Variants in SAE1 observed in about 807,000 individuals in gnomAD.
SAE1 encodes the protein SUMO1 activating enzyme subunit 1.
In SAE1, 11 loss-of-function variants were observed where a neutral mutation model predicts 40.6. The ratio of observed to expected loss-of-function variants is 0.27; its 90% confidence interval spans 0.17 to 0.45. The LOEUF is 0.45. Among genes scored for constraint, SAE1 ranks in the 20% least tolerant of loss-of-function variants. The pLI, the probability that SAE1 is intolerant of heterozygous loss-of-function variation, is 1.00. For missense variants in SAE1, 373 were observed against 427.3 expected, an observed-to-expected ratio of 0.87 and a Z score of 1.12; for synonymous variants, 155 against 154.3, an observed-to-expected ratio of 1.00 and a Z score of -0.03.
At chr19:47,194,590 G>C (rs2058601210) in intron 6 of SAE1, among the ~76,000 whole-genome samples, 1 of 152,130 alleles carries the variant, frequency 6.6e-6, no homozygotes, top group South Asian at 2.1e-4. Context: ...TGTGTGATGT[G>C]GGAGAAAGAG....
At chr19:47,205,912 C>T (rs140036621) in intron 8 of SAE1, among the ~76,000 whole-genome samples, 1,713 of 152,318 alleles carry the variant, frequency 0.011, 22 homozygotes, top group Middle Eastern at 0.024. Context: ...CTCTTCACCA[C>T]GGGGCAGTCA....
chr19:47,138,641 G>A (rs1017534942), intron 1 of SAE1, among the ~76,000 whole-genome samples: 1 of 152,128 alleles, frequency 6.6e-6, no homozygotes, highest in African/African-American at 2.4e-5. Context: ...GTGATACAGT[G>A]GTTTCTGGAG....
At chr19:47,152,802 G>C in intron 3 of SAE1, 96 bp from the exon 4 acceptor site, 1 of 1,225,728 alleles carries the variant, frequency 8.2e-7, no homozygotes. Flanking sequence ...CTTTGAGCAT[G>C]CCCAGAGAGA....
At chr19:47,169,586 A>G (rs2058417902) in intron 5 of SAE1, among the ~76,000 whole-genome samples, 1 of 152,174 alleles carries the variant, frequency 6.6e-6, no homozygotes, top group South Asian at 2.1e-4. Flanking sequence ...GGTCTTTGGA[A>G]GCTTGGCTCT....
chr19:47,180,508 G>C (rs937693000), intron 6 of SAE1, among the ~76,000 whole-genome samples: 1 of 152,158 alleles, frequency 6.6e-6, no homozygotes. Context: ...AACAGTTTGC[G>C]GTGAAACAGT....
intron 1 of SAE1, among the ~76,000 whole-genome samples, chr19:47,138,150 TCTC>T (rs1244116046): frequency 1.3e-5 from 2 of 152,180 alleles, no homozygotes; most frequent in Non-Finnish European, 1.5e-5. Context: ...TTCAGGCAAT[TCTC>T]CTGCCTCAGC....
intron 5 of SAE1, among the ~76,000 whole-genome samples, chr19:47,158,764 A>T (rs1568593045): frequency 6.6e-6 from 1 of 152,184 alleles, no homozygotes; most frequent in Non-Finnish European, 1.5e-5. Context: ...TCTATAGCTG[A>T]TAAAGAAGCT....
At chr19:47,148,192 G>GTTAA (rs1173415622) in intron 2 of SAE1, among the ~76,000 whole-genome samples, 1 of 152,066 alleles carries the variant, frequency 6.6e-6, no homozygotes, top group African/African-American at 2.4e-5. Context: ...GAGCCTTACT[G>GTTAA]TTAACCATTG....
intron 8 of SAE1, among the ~76,000 whole-genome samples, chr19:47,206,913 A>G (rs1030027292): frequency 8.5e-5 from 13 of 152,186 alleles, no homozygotes; most frequent in Non-Finnish European, 1.0e-4. Context: ...CAGAGAAGCA[A>G]ACTTCTTTCT....
rs756515525 is a variant in SAE1, at chr19:47,197,191, A to C, written c.734-42A>C. On this transcript the variant is annotated intron_variant, in intron 6 of 8. Transcript: ENST00000270225. ...GTGAGCCTCCATCTCCAAAAAAAAAAAAAAGTGGCTTTATAACCTGCCTTC... is the reference window on the plus strand; with the variant it reads ...GTGAGCCTCCATCTCCAAAAAAAAACAAAAGTGGCTTTATAACCTGCCTTC... 1.8e-5 allele frequency: 28 copies of C among 1,569,392 alleles called. No individual in the cohort carries two copies. The East Asian group carries it at 5.4e-4, about 30-fold the overall frequency.
rs1310652283 is a variant in SAE1 at position 47,130,877 on chromosome 19, C to A, written c.-54C>A. 1 of 1,544,838 alleles carries A rather than the reference C, an allele frequency of 6.5e-7. No homozygotes were observed. Among genetic ancestry groups the A allele is most frequent in the East Asian group, 2.5e-5 (1 of 40,600 alleles). On this transcript the variant is annotated 5_prime_UTR_variant, in exon 1 of 9. Coordinates refer to ENST00000270225, the MANE Select transcript of SAE1 (RefSeq NM_005500.3). Reference sequence around the variant, plus strand: ...GGCGGCGGTAGGTGGCGCGCGGGTCCGGCGGGCGGTTGGCTTGAGCGGGAC... The same window carrying A: ...GGCGGCGGTAGGTGGCGCGCGGGTCAGGCGGGCGGTTGGCTTGAGCGGGAC...
intron 6 of SAE1, among the ~76,000 whole-genome samples, chr19:47,196,853 T>TC (rs1490823109): frequency 6.6e-6 from 1 of 151,860 alleles, no homozygotes; most frequent in Non-Finnish European, 1.5e-5. Flanking sequence ...CTTTTATAAT[T>TC]ATTGGATTGC....
chr19:47,148,075 T>G (rs990560213), intron 2 of SAE1, among the ~76,000 whole-genome samples: 18 of 152,132 alleles, frequency 1.2e-4, no homozygotes, highest in African/African-American at 4.3e-4. Context: ...CTGTACGTTT[T>G]TATCCATGTC....
At chr19:47,200,841 T>C (rs1381111037) in intron 7 of SAE1, among the ~76,000 whole-genome samples, 1 of 152,032 alleles carries the variant, frequency 6.6e-6, no homozygotes, top group African/African-American at 2.4e-5. Flanking sequence ...GAAAATATTT[T>C]ATTATCTGGT....
At chr19:47,135,964 C>G (rs443002) in intron 1 of SAE1, among the ~76,000 whole-genome samples, 1 of 151,700 alleles carries the variant, frequency 6.6e-6, no homozygotes, top group Non-Finnish European at 1.5e-5. Context: ...CCACCACGCC[C>G]GGCTAATTTC....
At chr19:47,164,868 G>T (rs2058382053) in intron 5 of SAE1, among the ~76,000 whole-genome samples, 1 of 151,308 alleles carries the variant, frequency 6.6e-6, no homozygotes, top group Non-Finnish European at 1.5e-5. Context: ...TAGCCAGGAT[G>T]GTCTCGATCT....
At chr19:47,175,247 T>C (rs554222224) in intron 6 of SAE1, among the ~76,000 whole-genome samples, 2 of 151,924 alleles carry the variant, frequency 1.3e-5, no homozygotes, top group East Asian at 1.9e-4. Flanking sequence ...TCCATGTTCC[T>C]GGCACCTAAG....
At chr19:47,206,921 T>C (rs1187904647) in intron 8 of SAE1, among the ~76,000 whole-genome samples, 1 of 152,256 alleles carries the variant, frequency 6.6e-6, no homozygotes, top group Non-Finnish European at 1.5e-5. Context: ...CAAACTTCTT[T>C]CTGATCCAAG....
chr19:47,161,166 C>T (rs1239062788), intron 5 of SAE1, among the ~76,000 whole-genome samples: 1 of 140,034 alleles, frequency 7.1e-6, no homozygotes, highest in East Asian at 2.1e-4. Flanking sequence ...CCACCATGCT[C>T]TGCTAATTTT....
Sources: allele counts gnomAD v4.1 joint callset (sites outside exome capture counted in the v4.1 genomes callset), GRCh38; gene constraint gnomAD v4.1.1; transcripts MANE v1.5; gene names NCBI Gene and HGNC (gene_info 2026-07-23, HGNC 2026-07-21).